USP15: variants seen among roughly 807,000 people sequenced by gnomAD.
USP15 encodes ubiquitin specific peptidase 15, also known as ubiquitin carboxyl-terminal hydrolase 15.
In USP15, 18 loss-of-function variants were observed where a neutral mutation model predicts 127.1. That is an observed-to-expected ratio of 0.14 (90% CI 0.10 to 0.21). The LOEUF (loss-of-function observed/expected upper bound fraction) is 0.21, where lower values mean the gene tolerates loss of function less well. Ranked by LOEUF, USP15 falls within the 10% of genes least tolerant of loss-of-function variation. The pLI is 1.00. For synonymous variants in USP15, 364 were observed against 393.7 expected (o/e 0.92, Z 0.89); for missense variants, 805 against 1,159.9 (o/e 0.69, Z 4.44).
intron 19 of USP15, among the ~76,000 whole-genome samples, chr12:62,394,135 C>T (rs1397008151): frequency 1.3e-5 from 2 of 152,146 alleles, no homozygotes; most frequent in South Asian, 2.1e-4. Flanking sequence ...TCTTCCCCTG[C>T]TTTTAACAGT....
intron 8 of USP15, among the ~76,000 whole-genome samples, chr12:62,378,756 T>C (rs1416230988): frequency 6.6e-6 from 1 of 152,230 alleles, no homozygotes; most frequent in Admixed American, 6.5e-5. Context: ...TACTTGAAGA[T>C]ATTTTTGAGA....
At chr12:62,264,099 C>T (rs1306540413) in intron 1 of USP15, among the ~76,000 whole-genome samples, 1 of 152,178 alleles carries the variant, frequency 6.6e-6, no homozygotes, top group Non-Finnish European at 1.5e-5. Context: ...ATCCTCCCAC[C>T]TCAGCCTCCG....
chr12:62,343,918 TG>T (rs1365183732), intron 6 of USP15, among the ~76,000 whole-genome samples: 1 of 152,078 alleles, frequency 6.6e-6, no homozygotes, highest in East Asian at 1.9e-4. Context: ...CAGAACAGCA[TG>T]GAAAAGACTC....
chr12:62,379,990 G>A (rs1275882217), intron 8 of USP15, among the ~76,000 whole-genome samples: 1 of 151,958 alleles, frequency 6.6e-6, no homozygotes, highest in Non-Finnish European at 1.5e-5. Flanking sequence ...TCTCTTAATT[G>A]CCTCCTACAC....
At chr12:62,307,148 C>G (rs984553555) in intron 3 of USP15, among the ~76,000 whole-genome samples, 2 of 152,150 alleles carry the variant, frequency 1.3e-5, no homozygotes, top group South Asian at 2.1e-4. Flanking sequence ...TTCGAATTAC[C>G]TCGCAGAACC....
At chr12:62,264,498 C>T (rs1465405833) in intron 1 of USP15, among the ~76,000 whole-genome samples, 1 of 151,926 alleles carries the variant, frequency 6.6e-6, no homozygotes, top group Admixed American at 6.6e-5. Context: ...TTGTATAAAC[C>T]CTAATAACTG....
intron 4 of USP15, among the ~76,000 whole-genome samples, chr12:62,319,456 A>C (rs1309685864): frequency 1.3e-5 from 2 of 152,110 alleles, no homozygotes; most frequent in African/African-American, 2.4e-5. Context: ...TCTCTTCCCA[A>C]CTCCTCAATA....
At chr12:62,310,818 T>C (rs1019467939) in intron 3 of USP15, among the ~76,000 whole-genome samples, 1 of 152,010 alleles carries the variant, frequency 6.6e-6, no homozygotes, top group Non-Finnish European at 1.5e-5. Context: ...TTTTCTGTAG[T>C]GGCTGTACTA....
intron 2 of USP15, among the ~76,000 whole-genome samples, chr12:62,297,630 C>T (rs185615780): frequency 3.3e-4 from 50 of 152,174 alleles, no homozygotes; most frequent in African/African-American, 1.1e-3. Flanking sequence ...GACATATCCA[C>T]AAAAAAAGTT....
At chr12:62,370,980 T>C (rs1592686184) in intron 8 of USP15, among the ~76,000 whole-genome samples, 2 of 152,210 alleles carry the variant, frequency 1.3e-5, no homozygotes, top group Non-Finnish European at 2.9e-5. Context: ...ATTTTTCCCT[T>C]TCCTCTCCTG....
At chr12:62,290,455 C>T (rs1311822108) in intron 1 of USP15, among the ~76,000 whole-genome samples, 3 of 152,110 alleles carry the variant, frequency 2.0e-5, no homozygotes, top group African/African-American at 7.2e-5. Context: ...TTTCCGTTTG[C>T]ATGGAGTATC....
intron 6 of USP15, among the ~76,000 whole-genome samples, chr12:62,346,070 A>G (rs943988028): frequency 1.3e-5 from 2 of 152,178 alleles, no homozygotes; most frequent in African/African-American, 4.8e-5. Context: ...TAAAAGAGAA[A>G]AAAGAGTGGT....
At chr12:62,363,126 ATCT>A (rs932791065) in intron 8 of USP15, among the ~76,000 whole-genome samples, 2 of 152,158 alleles carry the variant, frequency 1.3e-5, no homozygotes, top group Non-Finnish European at 2.9e-5. Flanking sequence ...TCAGGCTACT[ATCT>A]TCTTAACTGG....
chr12:62,282,144 G>A (rs989452902), intron 1 of USP15, among the ~76,000 whole-genome samples: 1 of 152,012 alleles, frequency 6.6e-6, no homozygotes. Context: ...CCTGGGCAAC[G>A]TAGTGATATC....
At chr12:62,356,100 A>G (rs960180586) in intron 8 of USP15, among the ~76,000 whole-genome samples, 2 of 151,676 alleles carry the variant, frequency 1.3e-5, no homozygotes, top group East Asian at 3.9e-4. Flanking sequence ...ACTGTGTATA[A>G]ACTTAGGGCT....
chr12:62,386,489 CAG>C (rs2067152760), intron 11 of USP15, among the ~76,000 whole-genome samples: 1 of 152,002 alleles, frequency 6.6e-6, no homozygotes, highest in Non-Finnish European at 1.5e-5. Context: ...CAAGAGAACA[CAG>C]AGTAACCTAC....
chr12:62,285,378 A>T (rs1156536511), intron 1 of USP15, among the ~76,000 whole-genome samples: 1 of 152,180 alleles, frequency 6.6e-6, no homozygotes, highest in African/African-American at 2.4e-5. Flanking sequence ...TTCCCCTAAG[A>T]TAATGGCCTC....
intron 8 of USP15, among the ~76,000 whole-genome samples, chr12:62,369,771 T>G (rs1024394119): frequency 1.3e-5 from 2 of 152,202 alleles, no homozygotes; most frequent in Admixed American, 6.5e-5. Flanking sequence ...TGAAACAAAT[T>G]TGTGACAAAA....
At position 62,415,858 on chromosome 12, in the gene USP15, T is replaced by C. The variant is rs1216390651; in HGVS notation, c.*11483T>C. The C allele has an allele frequency of 6.6e-6, 1 of 152,336 alleles. No homozygotes were observed. The highest frequency in any genetic ancestry group is 1.5e-5 in the Non-Finnish European group (1 of 68,028). The allele number at this position is 152,336 out of a possible 1,614,324, so 9.4% of individuals were successfully genotyped here. Reference sequence around the variant, plus strand: ...GCAAGGTTTTGTGTCTTGATCATTATGAAAAATGTGGCAGGTATTATTACT... The same window carrying C: ...GCAAGGTTTTGTGTCTTGATCATTACGAAAAATGTGGCAGGTATTATTACT... On this transcript the variant is annotated 3_prime_UTR_variant, in exon 22 of 22. Transcript: ENST00000280377.
Sources: gnomAD v4.1 joint callset for allele counts (sites outside exome capture counted in the v4.1 genomes callset) on GRCh38, gnomAD v4.1.1 for gene constraint, MANE v1.5 for transcripts, NCBI Gene and HGNC (gene_info 2026-07-23, HGNC 2026-07-21) for gene names.